The following CNIH3 variants were observed in gnomAD, a reference collection of about 807,000 sequenced individuals.
CNIH3 encodes protein cornichon homolog 3.
Under a neutral mutation model 24.1 loss-of-function variants are expected in CNIH3, and 14 were observed. The ratio of observed to expected loss-of-function variants is 0.58; its 90% CI spans 0.38 to 0.91. The LOEUF (loss-of-function observed/expected upper bound fraction) is 0.91. CNIH3 is among the 40% of genes least tolerant of loss of function. The probability of loss-of-function intolerance (pLI) is 0.00; values close to 1 mark genes in which losing one functional copy is unlikely to be tolerated. For synonymous variants in CNIH3, 68 were observed against 73.8 expected (o/e 0.92, Z 0.40); for missense variants, 178 against 196.8 (o/e 0.90, Z 0.57).
intron 1 of CNIH3, among the ~76,000 whole-genome samples, chr1:224,620,756 T>C (rs1342922167): frequency 2.6e-5 from 4 of 152,040 alleles, no homozygotes; most frequent in Admixed American, 6.6e-5. Flanking sequence ...TCCCAGCACT[T>C]TGGGAGGTTG....
intron 1 of CNIH3, among the ~76,000 whole-genome samples, chr1:224,492,992 G>A (rs1677291845): frequency 6.6e-6 from 1 of 152,188 alleles, no homozygotes; most frequent in South Asian, 2.1e-4. Flanking sequence ...CAGAATGGAG[G>A]ACAGTGATCC....
rs1483800222 is a variant in CNIH3 at position 224,665,621 on chromosome 1, T to G, written c.82-15337T>G. On this transcript the variant is annotated intron_variant, in intron 1 of 5. Coordinates refer to ENST00000272133, the MANE Select transcript of CNIH3 (RefSeq NM_152495.2). ...CGAGGCACTTGTAACCTAGTGGGAT[T>G]CTTTGTATGTGTTCTTTGCATTCTT... 2.0e-5 allele frequency among the ~76,000 whole-genome samples: 3 copies of G among 152,198 alleles called. No homozygotes were observed. The East Asian group carries it at 5.8e-4, about 29-fold the overall frequency.
intron 1 of CNIH3, among the ~76,000 whole-genome samples, chr1:224,504,310 A>G (rs1677807293): frequency 6.6e-6 from 1 of 152,186 alleles, no homozygotes; most frequent in Non-Finnish European, 1.5e-5. Flanking sequence ...AATGTTACCC[A>G]TTGTCATCAT....
intron 1 of CNIH3, among the ~76,000 whole-genome samples, chr1:224,484,171 C>CAA (rs35380158): frequency 0.02 from 2,771 of 140,356 alleles, 53 homozygotes; most frequent in East Asian, 0.037. Context: ...AACTCTGTCT[C>CAA]AAAAAAAAAA....
chr1:224,698,228 A>G (rs994865182), intron 3 of CNIH3, among the ~76,000 whole-genome samples: 2 of 152,226 alleles, frequency 1.3e-5, no homozygotes, highest in Admixed American at 6.5e-5. Flanking sequence ...TGCTATACAA[A>G]TGCAAAGTGC....
chr1:224,501,921 C>T (rs1246868534), intron 1 of CNIH3, among the ~76,000 whole-genome samples: 13 of 151,974 alleles, frequency 8.6e-5, no homozygotes, highest in Admixed American at 8.5e-4. Context: ...GAAGAGGGGT[C>T]CCTGTTGGAG....
intron 1 of CNIH3, among the ~76,000 whole-genome samples, chr1:224,477,512 A>G (rs947081025): frequency 6.6e-6 from 1 of 152,234 alleles, no homozygotes; most frequent in African/African-American, 2.4e-5. Context: ...ACAAACAAGC[A>G]AAAAACAAAT....
chr1:224,595,666 AG>A (rs1681948287), intron 3 of CNIH3, among the ~76,000 whole-genome samples: 1 of 152,256 alleles, frequency 6.6e-6, no homozygotes, highest in Non-Finnish European at 1.5e-5. Flanking sequence ...ATGGGCCAAA[AG>A]CTAGGCCTCT....
intron 1 of CNIH3, among the ~76,000 whole-genome samples, chr1:224,505,330 T>TGCC (rs1677864688): frequency 6.6e-6 from 1 of 151,382 alleles, no homozygotes; most frequent in Non-Finnish European, 1.5e-5. Flanking sequence ...AAGTCTTTTT[T>TGCC]GCCATATCAT....
In CNIH3 at chr1:224,739,609, C is replaced by A; in HGVS notation, c.*253C>A. On this transcript the variant is annotated 3_prime_UTR_variant, in exon 6 of 6. Coordinates refer to ENST00000272133, the MANE Select transcript of CNIH3 (RefSeq NM_152495.2). ...CACGGGGTCCTAGAGCCCTTCTGAG[C>A]ATCAGTGGTGTGGGGGAGTAGGTGA... 1.6e-6 allele frequency: 1 copy of A among 609,946 alleles called. No homozygotes were observed. Among genetic ancestry groups the A allele is most frequent in the Non-Finnish European group, 2.7e-6 (1 of 363,852 alleles). The allele number at this position is 609,946 out of a possible 1,614,324, so 37.8% of individuals were successfully genotyped here.
At chr1:224,693,919 T>C (rs564706368) in intron 3 of CNIH3, among the ~76,000 whole-genome samples, 10 of 152,364 alleles carry the variant, frequency 6.6e-5, no homozygotes, top group African/African-American at 1.9e-4. Flanking sequence ...CAGTAGTTCT[T>C]GCGAGGGTCT....
intron 1 of CNIH3, among the ~76,000 whole-genome samples, chr1:224,476,701 C>G (rs1396607447): frequency 1.3e-5 from 2 of 151,960 alleles, no homozygotes; most frequent in Non-Finnish European, 2.9e-5. Flanking sequence ...CTGGAAGAAT[C>G]AATATTATTA....
intron 1 of CNIH3, among the ~76,000 whole-genome samples, chr1:224,643,723 C>T (rs567318916): frequency 6.6e-6 from 1 of 152,342 alleles, no homozygotes; most frequent in Admixed American, 6.5e-5. Flanking sequence ...AGGGACTCAG[C>T]AGAACGAGAG....
At chr1:224,519,516 T>G in intron 1 of CNIH3, among the ~76,000 whole-genome samples, 1 of 152,072 alleles carries the variant, frequency 6.6e-6, no homozygotes, top group South Asian at 2.1e-4. Flanking sequence ...TGCGTGTATG[T>G]GTATGCTTGT....
At position 224,616,870 on chromosome 1, in the gene CNIH3, T is replaced by A; in HGVS notation, c.-305T>A. On this transcript the variant is annotated 5_prime_UTR_variant, in exon 1 of 6. Transcript: ENST00000272133. ...TCTCGAGGGGCTCACAGCTTGGCACTAATTTGCAGGTGTTCGCTGCTGATT... is the reference window on the plus strand; with the variant it reads ...TCTCGAGGGGCTCACAGCTTGGCACAAATTTGCAGGTGTTCGCTGCTGATT... 1.6e-6 allele frequency: 2 copies of A among 1,226,024 alleles called. No individual in the cohort carries two copies. Among genetic ancestry groups the A allele is most frequent in the Non-Finnish European group, 1.0e-6 (1 of 981,546 alleles). The allele number at this position is 1,226,024 out of a possible 1,614,324, so 75.9% of individuals were successfully genotyped here. A position where few individuals can be genotyped will look rare whatever the true frequency, so the allele number is the denominator to read the frequency against.
Position 224,463,773 on chromosome 1 carries a change from A to ATTTTTTTTTTTT in CNIH3, n.203+28936_203+28947dup, listed in dbSNP as rs56137320. On this transcript the variant is annotated intron_variant and non_coding_transcript_variant, in intron 1 of 5. Transcript: ENST00000471578. ...TTCTCCCAGCTTATGAATTGTCCTC[A>ATTTTTTTTTTTT]TTTTTTTTTTTTTTTTTTTTTTTTT... is the stretch of plus-strand genomic sequence containing the variant. Among the ~76,000 whole-genome samples the ATTTTTTTTTTTT allele has an allele frequency of 5.3e-4, 11 of 20,730 alleles. 2 individuals are homozygous for ATTTTTTTTTTTT. Among genetic ancestry groups the ATTTTTTTTTTTT allele is most frequent in the African/African-American group, 1.0e-3 (4 of 3,912 alleles). The allele number at this position is 20,730 out of a possible 152,430, so 13.6% of individuals were successfully genotyped here. A position where few individuals can be genotyped will look rare whatever the true frequency, so the allele number is the denominator to read the frequency against.
chr1:224,661,371 G>T, intron 1 of CNIH3: 1 of 277,390 alleles, frequency 3.6e-6, no homozygotes, highest in South Asian at 4.5e-5. Context: ...ATGTGGAAGA[G>T]AATGAGTCCC....
chr1:224,449,780 A>G (rs1675314885), intron 1 of CNIH3, among the ~76,000 whole-genome samples: 1 of 152,160 alleles, frequency 6.6e-6, no homozygotes, highest in African/African-American at 2.4e-5. Context: ...ACTGGTCTGC[A>G]TGGCTTCTTA....
At chr1:224,608,271 G>A (rs951964486) in intron 3 of CNIH3, among the ~76,000 whole-genome samples, 1 of 152,134 alleles carries the variant, frequency 6.6e-6, no homozygotes. Context: ...ATATTTCTTG[G>A]GAGTTGCATC....
Sources: gnomAD v4.1 joint callset for allele counts (sites outside exome capture counted in the v4.1 genomes callset) on GRCh38, gnomAD v4.1.1 for gene constraint, MANE v1.5 for transcripts, NCBI Gene and HGNC (gene_info 2026-07-23, HGNC 2026-07-21) for gene names.